PCDH11Y: variants seen among roughly 807,000 people sequenced by gnomAD.
The protein encoded by PCDH11Y is protocadherin-11 Y-linked.
For synonymous variants in PCDH11Y, 9 were observed against 83.6 expected, an observed-to-expected ratio of 0.11 and a Z score of 4.87; for missense variants, 12 against 224.8, an observed-to-expected ratio of 0.05 and a Z score of 6.05.
chrY:5,298,593 T>C lies in PCDH11Y; in HGVS notation c.3129+197886T>C, dbSNP rs368889323. ...GCTCACCAAGTTCATTTATTTTCTT[T>C]TCTTATGATGCATCATTTACACGTG... is the stretch of plus-strand genomic sequence containing the variant. On this transcript the variant is annotated intron_variant, in intron 2 of 4. Transcript: ENST00000400457. 4.6e-3 allele frequency among the ~76,000 whole-genome samples: 156 copies of C among 33,586 alleles called. No individual in the cohort carries two copies. In the East Asian group the frequency reaches 0.071, roughly 15 times the overall value. The allele number at this position is 33,586 out of a possible 37,273, so 90.1% of individuals were successfully genotyped here.
intron 2 of PCDH11Y, among the ~76,000 whole-genome samples, chrY:5,423,516 A>T: frequency 2.9e-5 from 1 of 33,951 alleles, no homozygotes; most frequent in East Asian, 7.7e-4. Flanking sequence ...AAAGAGATGG[A>T]AGAAATATTT....
At chrY:5,355,003 A>G (rs2124670742) in intron 2 of PCDH11Y, among the ~76,000 whole-genome samples, 1 of 32,733 alleles carries the variant, frequency 3.1e-5, no homozygotes, top group South Asian at 6.9e-4. Context: ...CATGCCTGTA[A>G]TCATGCCAGC....
intron 3 of PCDH11Y, among the ~76,000 whole-genome samples, chrY:5,508,668 C>T: frequency 2.4e-4 from 8 of 32,954 alleles, no homozygotes; most frequent in East Asian, 1.6e-3. Context: ...ATTTTTATTG[C>T]GGTAATTCTT....
intron 2 of PCDH11Y, among the ~76,000 whole-genome samples, chrY:5,371,407 A>C: frequency 8.9e-5 from 3 of 33,794 alleles, no homozygotes; most frequent in African/African-American, 3.4e-4. Flanking sequence ...AAACATCATT[A>C]AGCATTTGGG....
At chrY:5,004,707 G>T (rs2124617318) in intron 1 of PCDH11Y, among the ~76,000 whole-genome samples, 1 of 33,921 alleles carries the variant, frequency 2.9e-5, no homozygotes, top group African/African-American at 1.1e-4. Flanking sequence ...TTCTCTCCAA[G>T]AATCTTGCTT....
intron 3 of PCDH11Y, among the ~76,000 whole-genome samples, chrY:5,517,879 A>G (rs2053374265): frequency 6.0e-5 from 2 of 33,498 alleles, no homozygotes; most frequent in Non-Finnish European, 1.5e-4. Flanking sequence ...TTTGATATAT[A>G]GTAAGAATAT....
intron 2 of PCDH11Y, among the ~76,000 whole-genome samples, chrY:5,440,095 T>A (rs2124681587): frequency 5.8e-5 from 2 of 34,434 alleles, no homozygotes; most frequent in East Asian, 1.5e-3. Flanking sequence ...CCCTTTCAGA[T>A]ATCAATTTGT....
At chrY:5,362,292 C>A (rs2053175293) in intron 2 of PCDH11Y, among the ~76,000 whole-genome samples, 29 of 31,244 alleles carry the variant, frequency 9.3e-4, no homozygotes, top group African/African-American at 3.6e-3. Context: ...ACCTGTCAAC[C>A]CAGCTCCTAG....
At chrY:5,606,347 G>C in intron 4 of PCDH11Y, among the ~76,000 whole-genome samples, 2 of 15,942 alleles carry the variant, frequency 1.3e-4, no homozygotes, top group Admixed American at 1.4e-3. Flanking sequence ...AGTCCCCAGA[G>C]TGTGATATTC....
intron 1 of PCDH11Y, among the ~76,000 whole-genome samples, chrY:5,071,455 C>G: frequency 3.4e-5 from 1 of 29,337 alleles, no homozygotes; most frequent in African/African-American, 1.3e-4. Context: ...ATTAGATAAG[C>G]TCAAATCTCC....
At chrY:5,049,617 G>C in intron 3 of PCDH11Y, among the ~76,000 whole-genome samples, 1 of 26,527 alleles carries the variant, frequency 3.8e-5, no homozygotes, top group Non-Finnish European at 8.6e-5. Context: ...CTGGATTGCA[G>C]TTGAGCGATC....
chrY:5,157,603 C>T, intron 2 of PCDH11Y, among the ~76,000 whole-genome samples: 1 of 33,082 alleles, frequency 3.0e-5, no homozygotes, highest in Non-Finnish European at 7.5e-5. Context: ...TATTTCACCT[C>T]AGCTATTGAA....
intron 2 of PCDH11Y, among the ~76,000 whole-genome samples, chrY:5,258,258 C>G (rs2053013555): frequency 3.2e-5 from 1 of 31,412 alleles, no homozygotes; most frequent in Non-Finnish European, 7.7e-5. Context: ...CTTTTCATTT[C>G]TTTGATCTTG....
At chrY:5,357,276 T>C in intron 2 of PCDH11Y, among the ~76,000 whole-genome samples, 1 of 24,393 alleles carries the variant, frequency 4.1e-5, no homozygotes, top group Non-Finnish European at 9.1e-5. Flanking sequence ...TATATATATA[T>C]GTATATGTTT....
intron 3 of PCDH11Y, among the ~76,000 whole-genome samples, chrY:5,041,543 A>G: frequency 3.1e-5 from 1 of 31,976 alleles, no homozygotes; most frequent in South Asian, 7.3e-4. Flanking sequence ...AGTCTTTGCT[A>G]TTGTGAGTAA....
chrY:5,403,043 A>G, intron 2 of PCDH11Y, among the ~76,000 whole-genome samples: 1 of 31,387 alleles, frequency 3.2e-5, no homozygotes, highest in Non-Finnish European at 7.7e-5. Flanking sequence ...TTTCAAAAAC[A>G]TGTACCAGGT....
intron 1 of PCDH11Y, among the ~76,000 whole-genome samples, chrY:5,012,150 A>G: frequency 3.1e-5 from 1 of 32,182 alleles, no homozygotes; most frequent in Non-Finnish European, 7.5e-5. Flanking sequence ...TCTTAACATT[A>G]CTTAATAATG....
chrY:5,722,807 A>G (rs1279274815), intron 4 of PCDH11Y, among the ~76,000 whole-genome samples: 9 of 33,808 alleles, frequency 2.7e-4, no homozygotes, highest in Non-Finnish European at 6.0e-4. Flanking sequence ...ATAAAATACT[A>G]AAGGAAATTC....
At chrY:5,407,868 C>T (rs2053241688) in intron 2 of PCDH11Y, among the ~76,000 whole-genome samples, 2 of 23,651 alleles carry the variant, frequency 8.5e-5, no homozygotes, top group South Asian at 2.2e-3. Flanking sequence ...GAGCCGAGAT[C>T]GCGCCACTGC....
Sources: allele counts gnomAD v4.1 joint callset (sites outside exome capture counted in the v4.1 genomes callset), GRCh38; gene constraint gnomAD v4.1.1; transcripts MANE v1.5; gene names NCBI Gene and HGNC (gene_info 2026-07-23, HGNC 2026-07-21).